The following DLGAP2 variants were observed in gnomAD, a reference collection of about 807,000 sequenced individuals.
DLGAP2 encodes disks large-associated protein 2.
DLGAP2 carries 26 observed loss-of-function variants against 100.3 expected under a neutral mutation model. The observed-to-expected ratio is 0.26, with a 90% confidence interval of 0.19 to 0.36. The LOEUF (loss-of-function observed/expected upper bound fraction) is 0.36, where lower values mean the gene tolerates loss of function less well. Among genes scored for constraint, DLGAP2 ranks in the 10% least tolerant of loss-of-function variants. The pLI is 1.00. For synonymous variants in DLGAP2, 886 were observed against 630.1 expected (o/e 1.41, Z -6.08); for missense variants, 1,858 against 1,453.2 (o/e 1.28, Z -4.53).
chr8:764,045 T>C (rs1418057469), intron 1 of DLGAP2, among the ~76,000 whole-genome samples: 1 of 152,212 alleles, frequency 6.6e-6, no homozygotes, highest in African/African-American at 2.4e-5. Context: ...GTGTATGTCT[T>C]AAGACTTCCT....
intron 3 of DLGAP2, among the ~76,000 whole-genome samples, chr8:1,374,542 G>T (rs1490458498): frequency 6.6e-6 from 1 of 152,154 alleles, no homozygotes; most frequent in Non-Finnish European, 1.5e-5. Context: ...CATTCAGGTG[G>T]ATTTGTTCAG....
intron 1 of DLGAP2, among the ~76,000 whole-genome samples, chr8:764,793 A>C (rs143000029): frequency 1.3e-3 from 199 of 152,330 alleles, no homozygotes; most frequent in African/African-American, 4.5e-3. Flanking sequence ...CATAGGTATA[A>C]CTGTGACCTA....
chr8:983,382 G>T (rs561323060), intron 2 of DLGAP2, among the ~76,000 whole-genome samples: 264 of 150,542 alleles, frequency 1.8e-3, no homozygotes, highest in African/African-American at 5.9e-3. Context: ...GTTGGTGGAA[G>T]GTACAGGTCG....
intron 3 of DLGAP2, among the ~76,000 whole-genome samples, chr8:1,459,579 A>G (rs1475928079): frequency 1.3e-5 from 2 of 152,150 alleles, no homozygotes; most frequent in African/African-American, 4.8e-5. Context: ...TGTTTATAAA[A>G]TTGATTAATT....
chr8:1,624,477 C>T (rs78655429), intron 6 of DLGAP2, among the ~76,000 whole-genome samples: 9,291 of 151,906 alleles, frequency 0.061, 803 homozygotes, highest in African/African-American at 0.19. Flanking sequence ...TCAAAGGAAG[C>T]CAGCAGTGGT....
chr8:1,565,962 CCACTT>C, intron 6 of DLGAP2, 68 bp downstream of exon 6: 1 of 1,390,844 alleles, frequency 7.2e-7, no homozygotes. Context: ...CTCTCCAAAA[CCACTT>C]CACCGTGAGC....
chr8:1,592,231 A>T (rs1166474293), intron 6 of DLGAP2, among the ~76,000 whole-genome samples: 1 of 152,212 alleles, frequency 6.6e-6, no homozygotes, highest in African/African-American at 2.4e-5. Context: ...ACATTTACCA[A>T]GATCCTTCAC....
intron 7 of DLGAP2, among the ~76,000 whole-genome samples, chr8:1,630,795 A>G (rs1797622435): frequency 1.3e-5 from 2 of 151,964 alleles, no homozygotes; most frequent in Non-Finnish European, 2.9e-5. Context: ...GTCTTGTGAG[A>G]GGTGCTTATG....
At chr8:1,364,097 T>C (rs976970585) in intron 3 of DLGAP2, among the ~76,000 whole-genome samples, 1 of 152,120 alleles carries the variant, frequency 6.6e-6, no homozygotes, top group Non-Finnish European at 1.5e-5. Flanking sequence ...ACCTTTGGGA[T>C]AACACAGCTC....
At chr8:1,550,899 G>A (rs181749359) in intron 5 of DLGAP2, among the ~76,000 whole-genome samples, 1 of 152,228 alleles carries the variant, frequency 6.6e-6, no homozygotes, top group South Asian at 2.1e-4. Context: ...TGCTTGCCTA[G>A]AGCAGCGGCT....
At chr8:1,649,699 A>C (rs1798120557) in intron 8 of DLGAP2, among the ~76,000 whole-genome samples, 1 of 152,254 alleles carries the variant, frequency 6.6e-6, no homozygotes, top group Non-Finnish European at 1.5e-5. Flanking sequence ...TCCTTTCTAA[A>C]ATATTTAATT....
chr8:967,844 A>G lies in DLGAP2; in HGVS notation c.73+59878A>G, dbSNP rs1189739295. Among the ~76,000 whole-genome samples the G allele has an allele frequency of 4.5e-5, 3 of 66,778 alleles. 1 individual carries two copies. The highest frequency in any genetic ancestry group is 1.4e-3 in the East Asian group (2 of 1,414). The allele number at this position is 66,778 out of a possible 152,430, so 43.8% of individuals were successfully genotyped here. Reference sequence around the variant, plus strand: ...TATATATATATATATATATATATATATATATATATATATATATATATATAT... The same window carrying G: ...TATATATATATATATATATATATATGTATATATATATATATATATATATAT... On this transcript the variant is annotated intron_variant, in intron 2 of 14. Transcript: ENST00000637795.
Position 841,390 on chromosome 8 carries a change from G to T in DLGAP2, c.19-66522G>T, listed in dbSNP as rs1302959284. On this transcript the variant is annotated intron_variant, in intron 1 of 14. Transcript: ENST00000637795. The stretch of plus-strand genomic sequence containing the variant: ...TCTGAGTCCTTGGGACACAACCCTG[G>T]CAGCCTTTCGTAGATGTTCATGTTG... Among the ~76,000 whole-genome samples the T allele has an allele frequency of 3.9e-5, 6 of 152,160 alleles. No homozygotes were observed. The South Asian group carries it at 1.0e-3, about 26-fold the overall frequency.
intron 2 of DLGAP2, among the ~76,000 whole-genome samples, chr8:1,202,654 G>T (rs1230274611): frequency 1.3e-5 from 2 of 152,156 alleles, no homozygotes; most frequent in Non-Finnish European, 2.9e-5. Flanking sequence ...GCCAGGCAAT[G>T]CCTCCTTCAC....
chr8:1,198,696 C>G (rs1797805774), intron 2 of DLGAP2, among the ~76,000 whole-genome samples: 1 of 152,190 alleles, frequency 6.6e-6, no homozygotes, highest in African/African-American at 2.4e-5. Context: ...TCAGGCAGGC[C>G]CCTCATGTCC....
At chr8:1,217,342 TGTACCTA>T (rs1196872149) in intron 2 of DLGAP2, among the ~76,000 whole-genome samples, 1 of 152,212 alleles carries the variant, frequency 6.6e-6, no homozygotes, top group African/African-American at 2.4e-5. Context: ...CCACATTTTC[TGTACCTA>T]GTTCATCATT....
intron 3 of DLGAP2, among the ~76,000 whole-genome samples, chr8:1,322,986 C>A (rs1411525079): frequency 6.6e-6 from 1 of 152,022 alleles, no homozygotes; most frequent in Non-Finnish European, 1.5e-5. Context: ...CCCTCCATGC[C>A]CCATAGAATA....
At chr8:1,378,888 C>T (rs550035812) in intron 3 of DLGAP2, among the ~76,000 whole-genome samples, 173 of 152,334 alleles carry the variant, frequency 1.1e-3, no homozygotes, top group African/African-American at 3.7e-3. Flanking sequence ...GGGTTCAACA[C>T]TCATGCTTCC....
At chr8:1,620,676 C>G (rs1722292844) in intron 6 of DLGAP2, 1 of 152,190 alleles carries the variant, frequency 6.6e-6, no homozygotes, top group African/African-American at 2.4e-5. Context: ...AAATCCAAGC[C>G]CTTTGGTGTC....
Sources: allele counts gnomAD v4.1 joint callset (sites outside exome capture counted in the v4.1 genomes callset), GRCh38; gene constraint gnomAD v4.1.1; transcripts MANE v1.5; gene names NCBI Gene and HGNC (gene_info 2026-07-23, HGNC 2026-07-21).